Variants in EBF1 observed in about 807,000 individuals in gnomAD.
EBF1 encodes transcription factor COE1.
Under a neutral mutation model 68.4 loss-of-function variants are expected in EBF1, and 10 were observed. The ratio of observed to expected loss-of-function variants is 0.15; its 90% CI spans 0.09 to 0.25. The LOEUF (loss-of-function observed/expected upper bound fraction) is 0.25. EBF1 is among the 10% of genes least tolerant of loss of function. EBF1 has a pLI of 1.00. For synonymous variants in EBF1, 298 were observed against 299.8 expected, an observed-to-expected ratio of 0.99 and a Z score of 0.06; for missense variants, 509 against 794.4, an observed-to-expected ratio of 0.64 and a Z score of 4.32.
chr5:159,097,420 T>G (rs1782848623), intron 1 of EBF1: 1 of 446,230 alleles, frequency 2.2e-6, no homozygotes, highest in African/African-American at 2.0e-5. Flanking sequence ...CTATAAGCAT[T>G]TACTCCTACC....
chr5:158,727,339 G>A (rs1258339026), intron 11 of EBF1, among the ~76,000 whole-genome samples: 1 of 152,154 alleles, frequency 6.6e-6, no homozygotes, highest in African/African-American at 2.4e-5. Flanking sequence ...GCAAGGGGGC[G>A]GAGACATTTC....
At chr5:158,819,899 C>A (rs1333372591) in intron 8 of EBF1, among the ~76,000 whole-genome samples, 1 of 152,112 alleles carries the variant, frequency 6.6e-6, no homozygotes, top group Non-Finnish European at 1.5e-5. Context: ...GATTCACTAT[C>A]TTTGGACCAT....
intron 6 of EBF1, among the ~76,000 whole-genome samples, chr5:159,018,336 A>G (rs1766007947): frequency 6.6e-6 from 1 of 152,220 alleles, no homozygotes; most frequent in Non-Finnish European, 1.5e-5. Context: ...ATAAGATAAA[A>G]CTTCAGAAAG....
intron 6 of EBF1, among the ~76,000 whole-genome samples, chr5:159,009,149 A>G (rs1179857571): frequency 6.6e-6 from 1 of 152,208 alleles, no homozygotes; most frequent in African/African-American, 2.4e-5. Context: ...ACCCCCCAGA[A>G]AAGTTAGAAG....
At chr5:159,074,173 T>A (rs1778315814) in intron 5 of EBF1, among the ~76,000 whole-genome samples, 1 of 152,202 alleles carries the variant, frequency 6.6e-6, no homozygotes, top group Non-Finnish European at 1.5e-5. Context: ...AGCACAGCTC[T>A]GTGAGAGGAC....
intron 6 of EBF1, among the ~76,000 whole-genome samples, chr5:159,026,454 G>A (rs944500816): frequency 1.3e-5 from 2 of 152,100 alleles, no homozygotes; most frequent in South Asian, 4.1e-4. Flanking sequence ...AACAAACCAA[G>A]CAAACATAGG....
At chr5:158,753,644 T>G (rs1437177263) in intron 10 of EBF1, among the ~76,000 whole-genome samples, 1 of 152,172 alleles carries the variant, frequency 6.6e-6, no homozygotes, top group Non-Finnish European at 1.5e-5. Flanking sequence ...AATGCACTTT[T>G]CTTCATTAAA....
intron 7 of EBF1, among the ~76,000 whole-genome samples, chr5:158,825,623 C>T (rs753984626): frequency 6.6e-6 from 1 of 151,596 alleles, no homozygotes; most frequent in African/African-American, 2.4e-5. Context: ...ATGTCAAAAA[C>T]GGTTAAGGAA....
At chr5:158,969,214 C>T (rs1754804234) in intron 6 of EBF1, among the ~76,000 whole-genome samples, 1 of 152,082 alleles carries the variant, frequency 6.6e-6, no homozygotes, top group Non-Finnish European at 1.5e-5. Context: ...AGGCATGAGA[C>T]TCACTTGAAC....
intron 6 of EBF1, among the ~76,000 whole-genome samples, chr5:158,974,482 GA>G (rs1237708128): frequency 6.6e-6 from 1 of 151,988 alleles, no homozygotes; most frequent in Admixed American, 6.6e-5. Flanking sequence ...TTATTGGTGA[GA>G]AAAAAATCCT....
chr5:159,034,364 A>T (rs570232312), intron 6 of EBF1, among the ~76,000 whole-genome samples: 1 of 152,300 alleles, frequency 6.6e-6, no homozygotes, highest in East Asian at 1.9e-4. Flanking sequence ...ATACTAAGTG[A>T]ATTATTCAGC....
At chr5:158,776,578 C>T (rs1231675324) in intron 10 of EBF1, among the ~76,000 whole-genome samples, 2 of 152,074 alleles carry the variant, frequency 1.3e-5, no homozygotes, top group Non-Finnish European at 2.9e-5. Flanking sequence ...GGGACTAGTT[C>T]GTGGAGACAG....
At chr5:159,042,643 A>G (rs1771456302) in intron 6 of EBF1, among the ~76,000 whole-genome samples, 1 of 152,010 alleles carries the variant, frequency 6.6e-6, no homozygotes, top group African/African-American at 2.4e-5. Flanking sequence ...CTCCCCAGCA[A>G]CAAAAACTAT....
intron 6 of EBF1, among the ~76,000 whole-genome samples, chr5:158,936,620 G>A (rs1011246916): frequency 6.6e-6 from 1 of 152,160 alleles, no homozygotes; most frequent in East Asian, 1.9e-4. Context: ...ACAAGAATGA[G>A]AATCTATTGC....
intron 6 of EBF1, among the ~76,000 whole-genome samples, chr5:158,847,816 A>C: frequency 6.6e-6 from 1 of 152,208 alleles, no homozygotes; most frequent in East Asian, 1.9e-4. Flanking sequence ...AAGGAACCAA[A>C]TTTCTACTGG....
chr5:159,039,120 A>G (rs887057119), intron 6 of EBF1, among the ~76,000 whole-genome samples: 2 of 152,260 alleles, frequency 1.3e-5, no homozygotes, highest in African/African-American at 4.8e-5. Context: ...AGTCTGTGGT[A>G]TAAATGAGTT....
intron 6 of EBF1, among the ~76,000 whole-genome samples, chr5:158,971,572 CT>C (rs1340925655): frequency 1.2e-4 from 19 of 152,120 alleles, no homozygotes; most frequent in African/African-American, 4.3e-4. Context: ...TGACTTTTCA[CT>C]AAAAATCAGA....
chr5:158,764,464 A>AT (rs1020357715), intron 10 of EBF1, among the ~76,000 whole-genome samples: 2 of 152,108 alleles, frequency 1.3e-5, no homozygotes, highest in Non-Finnish European at 2.9e-5. Flanking sequence ...TCCTTCACAC[A>AT]TTTTTTAATG....
Position 158,876,311 on chromosome 5 carries a change from C to T in EBF1, c.555-36201G>A, listed in dbSNP as rs188781067. On this transcript the variant is annotated intron_variant, in intron 6 of 15. Coordinates refer to ENST00000313708, the MANE Select transcript of EBF1 (RefSeq NM_024007.5). ...TTATTATTGTCTCCATTTAAGGATACGAAAACTGAGGCTTAGAGAGATTCA... is the reference window on the plus strand; with the variant it reads ...TTATTATTGTCTCCATTTAAGGATATGAAAACTGAGGCTTAGAGAGATTCA... Among the ~76,000 whole-genome samples, 314 of 152,248 alleles carry T rather than the reference C, an allele frequency of 2.1e-3. 3 individuals carry two copies. Among genetic ancestry groups the T allele is most frequent in the African/African-American group, 7.3e-3 (305 of 41,550 alleles).
Sources: gnomAD v4.1 joint callset for allele counts (sites outside exome capture counted in the v4.1 genomes callset) on GRCh38, gnomAD v4.1.1 for gene constraint, MANE v1.5 for transcripts, NCBI Gene and HGNC (gene_info 2026-07-23, HGNC 2026-07-21) for gene names.